The following ARG2 variants were observed in gnomAD, a reference collection of about 807,000 sequenced individuals.
The protein encoded by ARG2 is arginase 2.
In ARG2, 21 loss-of-function variants were observed where a neutral mutation model predicts 39.4. The observed-to-expected ratio is 0.53, with a 90% CI of 0.38 to 0.77. The LOEUF (loss-of-function observed/expected upper bound fraction) is 0.77. ARG2 is among the 30% of genes least tolerant of loss of function. ARG2 has a pLI of 0.00. For synonymous variants in ARG2, 150 were observed against 156.7 expected, an observed-to-expected ratio of 0.96 and a Z score of 0.32; for missense variants, 378 against 426.2, an observed-to-expected ratio of 0.89 and a Z score of 1.00.
Position 67,619,926 on chromosome 14 carries a change from G to T in ARG2, c.-52G>T. ...GCGGCGGGCGGTGGCGCTCACTCCC[G>T]GCTTCCAACCGCGCGGAGCCTCTGC... On this transcript the variant is annotated 5_prime_UTR_variant, in exon 1 of 8. Coordinates refer to ENST00000261783, the MANE Select transcript of ARG2 (RefSeq NM_001172.4). 2.3e-6 allele frequency: 3 copies of T among 1,305,354 alleles called. No individual in the cohort carries two copies. The highest frequency in any genetic ancestry group is 3.1e-6 in the Non-Finnish European group (3 of 968,130). The allele number at this position is 1,305,354 out of a possible 1,614,324, so 80.9% of individuals were successfully genotyped here. A position where few individuals can be genotyped will look rare whatever the true frequency, so the allele number is the denominator to read the frequency against.
rs869215946 is a variant in ARG2 at position 67,642,793 on chromosome 14, C to CTTTTTTTTTTTTTTTTTTTTTTTTT, written c.362+433_362+457dup. Among the ~76,000 whole-genome samples, 7 of 75,556 alleles carry CTTTTTTTTTTTTTTTTTTTTTTTTT rather than the reference C, an allele frequency of 9.3e-5. 2 individuals are homozygous for CTTTTTTTTTTTTTTTTTTTTTTTTT. The highest frequency in any genetic ancestry group is 3.8e-4 in the African/African-American group (7 of 18,252). The allele number at this position is 75,556 out of a possible 152,430, so 49.6% of individuals were successfully genotyped here. A position where few individuals can be genotyped will look rare whatever the true frequency, so the allele number is the denominator to read the frequency against. The stretch of plus-strand genomic sequence containing the variant: ...CCCCTTTGGCATGTTACTACATTTT[C>CTTTTTTTTTTTTTTTTTTTTTTTTT]TTTTTTTTTTTTTTTTTTTTTTTTT... On this transcript the variant is annotated intron_variant, in intron 3 of 7. Coordinates refer to ENST00000261783, the MANE Select transcript of ARG2 (RefSeq NM_001172.4).
At position 67,642,370 on chromosome 14, in the gene ARG2, T is replaced by G; in HGVS notation, c.362+7T>G. 6.2e-7 allele frequency: 1 copy of G among 1,613,220 alleles called. No individual in the cohort carries two copies. Among genetic ancestry groups the G allele is most frequent in the Non-Finnish European group, 8.5e-7 (1 of 1,179,750 alleles). On this transcript the variant is annotated splice_region_variant and intron_variant, in intron 3 of 7. Coordinates refer to ENST00000261783, the MANE Select transcript of ARG2 (RefSeq NM_001172.4). Reference sequence around the variant, plus strand: ...CACTGGGAGGAGACCACAGGTAAGCTGGGAGCCAGGCGTGGTGAGGGGATG... The same window carrying G: ...CACTGGGAGGAGACCACAGGTAAGCGGGGAGCCAGGCGTGGTGAGGGGATG...
chr14:67,621,619 AT>A (rs1271167819), intron 2 of ARG2, among the ~76,000 whole-genome samples: 1 of 151,584 alleles, frequency 6.6e-6, no homozygotes, highest in East Asian at 2.0e-4. Context: ...CTAATTTTGT[AT>A]TTTTAGTAGA....
intron 2 of ARG2, among the ~76,000 whole-genome samples, chr14:67,629,132 G>C (rs2140725568): frequency 6.6e-6 from 1 of 152,294 alleles, no homozygotes; most frequent in South Asian, 2.1e-4. Context: ...CCAGGAGTTT[G>C]AGACCAGCCT....
intron 2 of ARG2, among the ~76,000 whole-genome samples, chr14:67,636,735 C>T (rs1171376579): frequency 6.6e-6 from 1 of 152,174 alleles, no homozygotes; most frequent in Non-Finnish European, 1.5e-5. Context: ...TATTTTATTA[C>T]CAGCACTCAG....
chr14:67,638,770 G>A (rs1566801474), intron 2 of ARG2, among the ~76,000 whole-genome samples: 1 of 152,230 alleles, frequency 6.6e-6, no homozygotes, highest in Non-Finnish European at 1.5e-5. Flanking sequence ...GAAACACAAG[G>A]TTGCTGAGTG....
intron 2 of ARG2, among the ~76,000 whole-genome samples, chr14:67,623,483 G>C (rs1490434663): frequency 2.2e-5 from 3 of 133,540 alleles, no homozygotes; most frequent in East Asian, 2.3e-4. Context: ...GTCTGGGCTT[G>C]TTTTATTTCC....
At chr14:67,639,939 A>G (rs2140760895) in intron 2 of ARG2, among the ~76,000 whole-genome samples, 1 of 151,204 alleles carries the variant, frequency 6.6e-6, no homozygotes, top group East Asian at 1.9e-4. Context: ...AAAAAAAAAA[A>G]AAAAAAAAAA....
At chr14:67,647,938 A>G in intron 6 of ARG2, 109 bp from the exon 7 acceptor site, 1 of 1,068,720 alleles carries the variant, frequency 9.4e-7, no homozygotes, top group Middle Eastern at 2.3e-4. Context: ...ACAAAGTACT[A>G]GGACTAATAG....
At position 67,646,668 on chromosome 14, in the gene ARG2, T is replaced by C. The variant is rs761897401; in HGVS notation, c.547T>C (p.Trp183Arg). 5 of 1,613,348 alleles carry C rather than the reference T, an allele frequency of 3.1e-6. No individual in the cohort carries two copies. Among genetic ancestry groups the C allele is most frequent in the Non-Finnish European group, 4.2e-6 (5 of 1,179,316 alleles). ...DKVPQLPGFS[W>R]IKPCISSASI... ...GGTACCACAACTCCCAGGATTTTCC[T>C]GGATCAAACCTTGTATCTCTTCTGC... The change falls in exon 5 of 8, where the codon TGG (tryptophan) becomes CGG (arginine). Residue 183 changes from tryptophan to arginine, a missense_variant. Coordinates refer to ENST00000261783, the MANE Select transcript of ARG2 (RefSeq NM_001172.4).
Position 67,647,030 on chromosome 14 carries a change from G to C in ARG2, c.722+5G>C. ...ATTTGATCTGCTGATTGGCAAGTAA[G>C]TAACTATAACTGATGTCAGGGCAAA... On this transcript the variant is annotated splice_donor_5th_base_variant and intron_variant, in intron 6 of 7. Transcript: ENST00000261783. The C allele has an allele frequency of 6.3e-7, 1 of 1,592,408 alleles. No individual in the cohort carries two copies. The highest frequency in any genetic ancestry group is 8.6e-7 in the Non-Finnish European group (1 of 1,161,018).
chr14:67,637,179 G>A (rs1299726814), intron 2 of ARG2, among the ~76,000 whole-genome samples: 2 of 152,084 alleles, frequency 1.3e-5, no homozygotes, highest in African/African-American at 2.4e-5. Context: ...GGAGGCTGAA[G>A]TGGGAGGATC....
At chr14:67,647,061 A>T (rs2037109223) in intron 6 of ARG2, 36 bp downstream of exon 6, 1 of 1,293,366 alleles carries the variant, frequency 7.7e-7, no homozygotes, top group African/African-American at 1.5e-5. Flanking sequence ...GCAAACCCCC[A>T]ATGGGCAACA....
intron 2 of ARG2, among the ~76,000 whole-genome samples, chr14:67,641,647 T>C (rs1322763050): frequency 6.6e-6 from 1 of 152,176 alleles, no homozygotes; most frequent in Non-Finnish European, 1.5e-5. Flanking sequence ...GTTTATAATA[T>C]GTGAATTTCT....
intron 2 of ARG2, among the ~76,000 whole-genome samples, chr14:67,624,969 G>A (rs2036847926): frequency 1.3e-5 from 2 of 152,280 alleles, no homozygotes; most frequent in South Asian, 2.1e-4. Flanking sequence ...CAGGAGGCTG[G>A]CAGTTACTGC....
At chr14:67,642,521 C>G (rs1010936674) in intron 3 of ARG2, among the ~76,000 whole-genome samples, 158 bp downstream of exon 3, 8 of 152,148 alleles carry the variant, frequency 5.3e-5, no homozygotes, top group Non-Finnish European at 1.0e-4. Context: ...TGTCTAAGAT[C>G]CTGAGCTGCT....
chr14:67,646,864 A>G, intron 5 of ARG2, 57 bp from the exon 6 acceptor site: 3 of 1,407,720 alleles, frequency 2.1e-6, no homozygotes, highest in South Asian at 2.3e-5. Context: ...CCCCAAATAC[A>G]TATTTGTTAA....
intron 2 of ARG2, among the ~76,000 whole-genome samples, chr14:67,630,623 A>G (rs1318618305): frequency 6.6e-6 from 1 of 152,214 alleles, no homozygotes; most frequent in Non-Finnish European, 1.5e-5. Flanking sequence ...TCTGTCGCCC[A>G]GGCTGGAGTG....
At chr14:67,636,613 G>C (rs1166682877) in intron 2 of ARG2, among the ~76,000 whole-genome samples, 1 of 152,224 alleles carries the variant, frequency 6.6e-6, no homozygotes, top group Non-Finnish European at 1.5e-5. Context: ...CAGCCTGGTT[G>C]CATCATTCTG....
Sources: allele counts gnomAD v4.1 joint callset (sites outside exome capture counted in the v4.1 genomes callset), GRCh38; gene constraint gnomAD v4.1.1; transcripts MANE v1.5; gene names NCBI Gene and HGNC (gene_info 2026-07-23, HGNC 2026-07-21).